The following PANK4 variants were observed in gnomAD, a reference collection of about 807,000 sequenced individuals.
PANK4 encodes the protein 4'-phosphopantetheine phosphatase.
PANK4 carries 40 observed loss-of-function variants against 87.9 expected under a neutral mutation model. The observed-to-expected ratio is 0.46, with a 90% CI of 0.35 to 0.59. The LOEUF is 0.59. Among genes scored for constraint, PANK4 ranks in the 20% least tolerant of loss-of-function variants. The probability of loss-of-function intolerance (pLI) is 0.00; values close to 1 mark genes in which losing one functional copy is unlikely to be tolerated. For synonymous variants in PANK4, 524 were observed against 467.4 expected (o/e 1.12, Z -1.56); for missense variants, 926 against 1,072.3 (o/e 0.86, Z 1.90).
rs751318549 is a variant in PANK4 at position 2,511,394 on chromosome 1, CAG to C, written c.1784-9_1784-8del. On this transcript the variant is annotated splice_polypyrimidine_tract_variant and splice_region_variant and intron_variant, in intron 14 of 18. Transcript: ENST00000378466. ...TCCACGAGCCAGGGTCTTTCTGAGA[CAG>C]AGAGAGGGACACATGATTAGCCCGG... is the stretch of plus-strand genomic sequence containing the variant. The C allele has an allele frequency of 1.0e-5, 16 of 1,606,066 alleles. No individual in the cohort carries two copies. The highest frequency in any genetic ancestry group is 2.2e-5 in the East Asian group (1 of 44,858).
Position 2,510,441 on chromosome 1 carries a change from A to C in PANK4, c.1938+237T>G, listed in dbSNP as rs528509979. 3.4e-6 allele frequency: 2 copies of C among 596,714 alleles called. No homozygotes were observed. The highest frequency in any genetic ancestry group is 5.5e-5 in the East Asian group (2 of 36,148). The allele number at this position is 596,714 out of a possible 1,614,324, so 37.0% of individuals were successfully genotyped here. A position where few individuals can be genotyped will look rare whatever the true frequency, so the allele number is the denominator to read the frequency against. On this transcript the variant is annotated intron_variant, in intron 16 of 18. Coordinates refer to ENST00000378466, the MANE Select transcript of PANK4 (RefSeq NM_018216.4). This position sits in a 1 kb window ranked among gnomAD's most constrained non-coding sequence, Gnocchi z 4.9. ...GCCTCCTTGCTGTGAGCACCCTTCC[A>C]GGAGCCTGGCGTCAACCCTGGGCTT...
intron 9 of PANK4, among the ~76,000 whole-genome samples, chr1:2,516,601 G>A (rs1643782768): frequency 6.6e-6 from 1 of 152,182 alleles, no homozygotes; most frequent in South Asian, 2.1e-4. Context: ...CTCCACTGGG[G>A]CACCCCTGCT....
Position 2,519,891 on chromosome 1 carries a change from G to A in PANK4, c.763C>T (p.Arg255Trp), listed in dbSNP as rs1404250863. 7 of 1,566,930 alleles carry A rather than the reference G, an allele frequency of 4.5e-6. No individual in the cohort carries two copies. Among genetic ancestry groups the A allele is most frequent in the East Asian group, 4.7e-5 (2 of 42,582 alleles). Reference sequence around the variant, plus strand: ...TGGTGGGCGCCGCCGTAGACGTCCCGCACCAGCATGTCCACATTGCTGTGC... The same window carrying A: ...TGGTGGGCGCCGCCGTAGACGTCCCACACCAGCATGTCCACATTGCTGTGC... ...GQHSNVDMLV[R>W]DVYGGAHQTL... Residue 255 changes from arginine to tryptophan, a missense_variant, in exon 6 of 19, where the codon CGG (arginine) becomes TGG (tryptophan). Coordinates refer to ENST00000378466, the MANE Select transcript of PANK4 (RefSeq NM_018216.4). This position sits in a 1 kb window ranked among gnomAD's most constrained non-coding sequence, Gnocchi z 8.3.
intron 12 of PANK4, among the ~76,000 whole-genome samples, chr1:2,513,537 C>T (rs1036465443): frequency 1.3e-5 from 2 of 152,242 alleles, no homozygotes; most frequent in Non-Finnish European, 2.9e-5. Flanking sequence ...CCACCTTGCA[C>T]GGCCCTGCAC....
rs1419522868 is a variant in PANK4, at chr1:2,510,578, G to A, written c.1938+100C>T. On this transcript the variant is annotated intron_variant, in intron 16 of 18. Transcript: ENST00000378466. This position sits in a 1 kb window ranked among gnomAD's most constrained non-coding sequence, Gnocchi z 4.9. ...CTGCCTGCACCTACCTGCTGCGTCCGGAGGAGCCCCGACCACCGCCAGAGG... is the reference window on the plus strand; with the variant it reads ...CTGCCTGCACCTACCTGCTGCGTCCAGAGGAGCCCCGACCACCGCCAGAGG... 3.9e-5 allele frequency: 29 copies of A among 742,166 alleles called. No individual in the cohort carries two copies. The Admixed American group carries it at 4.7e-4, about 12-fold the overall frequency. The allele number at this position is 742,166 out of a possible 1,614,324, so 46.0% of individuals were successfully genotyped here. A position where few individuals can be genotyped will look rare whatever the true frequency, so the allele number is the denominator to read the frequency against.
At position 2,521,108 on chromosome 1, in the gene PANK4, GC is replaced by G. The variant is rs1643871357; in HGVS notation, c.414del (p.Arg139GlyfsTer2). The G allele has an allele frequency of 6.2e-7, 1 of 1,611,816 alleles. No homozygotes were observed. Among genetic ancestry groups the G allele is most frequent in the Non-Finnish European group, 8.5e-7 (1 of 1,178,634 alleles). ...CTTGAGATCCCCACTCACTTCAGCC[GC>G]AGCTTCTCTTCGATGAGGTCTTTGA... ...YKFKDLIEEK[L>X]RLKVDKEDVM... On this transcript the variant is annotated frameshift_variant, in exon 3 of 19. Transcript: ENST00000378466. LOFTEE classifies it high-confidence loss of function.
intron 9 of PANK4, among the ~76,000 whole-genome samples, chr1:2,516,218 T>C (rs914681251): frequency 9.9e-5 from 15 of 152,056 alleles, no homozygotes; most frequent in East Asian, 7.7e-4. Flanking sequence ...CAGGCAGTGT[T>C]CCACTCCGTG....
intron 13 of PANK4, 37 bp from the exon 14 acceptor site, chr1:2,511,720 G>C (rs1159648470): frequency 1.5e-6 from 2 of 1,361,510 alleles, no homozygotes; most frequent in East Asian, 2.3e-5. Context: ...TAAGACAACA[G>C]AACAAAAACC....
At chr1:2,521,563 A>G (rs2100793445) in intron 2 of PANK4, 155 bp downstream of exon 2, 1 of 761,654 alleles carries the variant, frequency 1.3e-6, no homozygotes, top group Non-Finnish European at 2.3e-6. Flanking sequence ...TTGAAGGGAC[A>G]CGGCGGAAGG....
chr1:2,519,770 GCT>G lies in PANK4; in HGVS notation c.853+29_853+30del, dbSNP rs1215022715. The G allele has an allele frequency of 1.9e-6, 3 of 1,544,916 alleles. No homozygotes were observed. In the South Asian group the frequency reaches 3.6e-5, roughly 18 times the overall value. On this transcript the variant is annotated intron_variant, in intron 6 of 18. Coordinates refer to ENST00000378466, the MANE Select transcript of PANK4 (RefSeq NM_018216.4). This position sits in a 1 kb window ranked among gnomAD's most constrained non-coding sequence, Gnocchi z 8.3. ...AGACCCCAAGTGTCCCCACCATCCT[GCT>G]CTCTGGCGGCAGAGGCCGGGGTGAG...
rs148839708 is a variant in PANK4, at chr1:2,519,132, G to A, written c.1035+11C>T. 4,176 of 1,606,794 alleles carry A rather than the reference G, an allele frequency of 2.6e-3. 13 individuals carry two copies. Among genetic ancestry groups the A allele is most frequent in the Non-Finnish European group, 3.2e-3 (3,766 of 1,175,606 alleles). ...TGCGTTAGAGGCTGGGGAGGGCGGCGCATCCGTTACCTTGGAGAAGAAGTT... is the reference window on the plus strand; with the variant it reads ...TGCGTTAGAGGCTGGGGAGGGCGGCACATCCGTTACCTTGGAGAAGAAGTT... On this transcript the variant is annotated intron_variant, in intron 7 of 18. Transcript: ENST00000378466. The surrounding 1 kb of genome is among the most constrained non-coding windows in gnomAD (Gnocchi z 8.3).
chr1:2,521,205 G>C lies in PANK4; in HGVS notation c.318C>G (p.Asp106Glu). 3 of 1,613,964 alleles carry C rather than the reference G, an allele frequency of 1.9e-6. No homozygotes were observed. The highest frequency in any genetic ancestry group is 1.7e-5 in the Admixed American group (1 of 60,030). Residue 106 changes from aspartate (D) to glutamate (E), a missense_variant, in exon 3 of 19, where the codon GAC (aspartate) becomes GAG (glutamate). By Grantham distance (45) the Asp-to-Glu change is conservative. Transcript: ENST00000378466. ...TGTTGACGAGATGGTCTTTGATGAA[G>C]TCCAGGCAGGCTTCGATGTAGGTAT... Reference protein sequence around the residue: ...FENTYIEACLDFIKDHLVNTE... With the variant: ...FENTYIEACLEFIKDHLVNTE...
In PANK4 at chr1:2,509,846, C is replaced by G. The variant is rs374134138; in HGVS notation, c.2108+16G>C. On this transcript the variant is annotated intron_variant, in intron 18 of 18. Coordinates refer to ENST00000378466, the MANE Select transcript of PANK4 (RefSeq NM_018216.4). This position sits in a 1 kb window ranked among gnomAD's most constrained non-coding sequence, Gnocchi z 4.9. ...GAGCCCAGGAGGGAGAGAACAGGTG[C>G]AGGGTGCGGGGTTACCTGAGGTCGA... is the stretch of plus-strand genomic sequence containing the variant. 67 of 1,607,894 alleles carry G rather than the reference C, an allele frequency of 4.2e-5. No homozygotes were observed. The African/African-American group carries it at 8.8e-4, about 21-fold the overall frequency.
At chr1:2,517,715 G>A (rs1470704699) in intron 9 of PANK4, among the ~76,000 whole-genome samples, 1 of 152,260 alleles carries the variant, frequency 6.6e-6, no homozygotes, top group African/African-American at 2.4e-5. Context: ...GGGACACCCC[G>A]AGGAGAGCAG....
chr1:2,520,839 G>T lies in PANK4; in HGVS notation c.490C>A (p.His164Asn), dbSNP rs1643868920. 6.3e-7 allele frequency: 1 copy of T among 1,597,836 alleles called. No individual in the cohort carries two copies. The highest frequency in any genetic ancestry group is 8.5e-7 in the Non-Finnish European group (1 of 1,172,758). Residue 164 changes from histidine (H) to asparagine (N), a missense_variant, in exon 4 of 19, where the codon CAT becomes AAT. By Grantham distance (68) the His-to-Asn change is moderately conservative (BLOSUM62 1). Transcript: ENST00000378466. This position sits in a 1 kb window ranked among gnomAD's most constrained non-coding sequence, Gnocchi z 6.2. ...GCNFVLKNIPHEAFVYQKDSD... is the reference protein window; with the variant it reads ...GCNFVLKNIPNEAFVYQKDSD... ...TCCTTCTGGTACACGAAGGCCTCAT[G>T]GGGGATGTTCTTGAGCACGAAGTTG...
Position 2,509,805 on chromosome 1 carries a change from C to CGGCACAGAG in PANK4, c.2108+48_2108+56dup. 2 of 1,486,948 alleles carry CGGCACAGAG rather than the reference C, an allele frequency of 1.3e-6. No individual in the cohort carries two copies. The highest frequency in any genetic ancestry group is 1.4e-5 in the African/African-American group (1 of 72,498). 92.1% of individuals were successfully genotyped at this position (1,486,948 alleles called of 1,614,324 possible). The stretch of plus-strand genomic sequence containing the variant: ...CCGCATGCACCTGGGTGCAGGTGCA[C>CGGCACAGAG]GGCACAGAGGGCACAGAGCCCAGGA... On this transcript the variant is annotated intron_variant, in intron 18 of 18. Transcript: ENST00000378466. The surrounding 1 kb of genome is among the most constrained non-coding windows in gnomAD (Gnocchi z 4.9).
At position 2,519,120 on chromosome 1, in the gene PANK4, G is replaced by T; in HGVS notation, c.1035+23C>A. On this transcript the variant is annotated intron_variant, in intron 7 of 18. Coordinates refer to ENST00000378466, the MANE Select transcript of PANK4 (RefSeq NM_018216.4). This position sits in a 1 kb window ranked among gnomAD's most constrained non-coding sequence, Gnocchi z 8.3. Reference sequence around the variant, plus strand: ...TCCTGGGGGGTCTGCGTTAGAGGCTGGGGAGGGCGGCGCATCCGTTACCTT... The same window carrying T: ...TCCTGGGGGGTCTGCGTTAGAGGCTTGGGAGGGCGGCGCATCCGTTACCTT... 6.2e-7 allele frequency: 1 copy of T among 1,602,680 alleles called. No homozygotes were observed. The highest frequency in any genetic ancestry group is 8.5e-7 in the Non-Finnish European group (1 of 1,172,568).
intron 8 of PANK4, 57 bp downstream of exon 8, chr1:2,518,459 G>A: frequency 6.9e-7 from 1 of 1,455,790 alleles, no homozygotes; most frequent in East Asian, 2.5e-5. Context: ...CTGGAGCACA[G>A]GCCCAGGCCA....
At chr1:2,523,401 G>A (rs551069051) in intron 1 of PANK4, among the ~76,000 whole-genome samples, 1 of 152,288 alleles carries the variant, frequency 6.6e-6, no homozygotes, top group African/African-American at 2.4e-5. Flanking sequence ...GCACCATGCC[G>A]CCGACTCACC....
Sources: allele counts gnomAD v4.1 joint callset (sites outside exome capture counted in the v4.1 genomes callset), GRCh38; gene constraint gnomAD v4.1.1; non-coding constraint Gnocchi (gnomAD v3.1); transcripts MANE v1.5; gene names NCBI Gene and HGNC (gene_info 2026-07-23, HGNC 2026-07-21).